Variants in TMEM232 observed in about 807,000 individuals in gnomAD.
The protein encoded by TMEM232 is transmembrane protein 232.
TMEM232 carries 80 observed loss-of-function variants against 78.8 expected under a neutral mutation model. The observed-to-expected ratio is 1.01, with a 90% CI of 0.85 to 1.22. The LOEUF is 1.22. Ranked by LOEUF, TMEM232 falls within the 50% of genes most tolerant of loss-of-function variation. The pLI is 0.00. For missense variants in TMEM232, 881 were observed against 742.2 expected (o/e 1.19, Z -2.17); for synonymous variants, 297 against 254.3 (o/e 1.17, Z -1.60).
intron 1 of TMEM232, among the ~76,000 whole-genome samples, chr5:110,709,795 A>G (rs1464942980): frequency 1.3e-5 from 2 of 152,096 alleles, no homozygotes; most frequent in African/African-American, 4.8e-5. Flanking sequence ...AAACACTTCA[A>G]ATAAGTAACC....
At chr5:110,423,899 G>A (rs1425154376) in intron 13 of TMEM232, among the ~76,000 whole-genome samples, 1 of 151,804 alleles carries the variant, frequency 6.6e-6, no homozygotes, top group Non-Finnish European at 1.5e-5. Context: ...GGAAAATATA[G>A]ATGTTGAAAT....
chr5:110,446,183 A>G (rs1328607813), intron 12 of TMEM232, among the ~76,000 whole-genome samples: 1 of 152,076 alleles, frequency 6.6e-6, no homozygotes, highest in Non-Finnish European at 1.5e-5. Context: ...CTGGCCTCTG[A>G]CCTTTAAGGA....
intron 12 of TMEM232, among the ~76,000 whole-genome samples, chr5:110,515,521 C>T (rs1768483539): frequency 6.6e-6 from 1 of 152,312 alleles, no homozygotes; most frequent in South Asian, 2.1e-4. Context: ...GGTAGAGTAG[C>T]AGTCAGGCAC....
intron 2 of TMEM232, among the ~76,000 whole-genome samples, chr5:110,405,741 A>G (rs1257749478): frequency 6.6e-6 from 1 of 151,234 alleles, no homozygotes; most frequent in African/African-American, 2.4e-5. Context: ...TAAAAAAAAA[A>G]AAAAGGAAAA....
intron 2 of TMEM232, among the ~76,000 whole-genome samples, chr5:110,400,659 G>T (rs1755558545): frequency 6.6e-6 from 1 of 151,884 alleles, no homozygotes; most frequent in South Asian, 2.1e-4. Context: ...CAGATATGTA[G>T]AATACCTGGG....
intron 2 of TMEM232, among the ~76,000 whole-genome samples, chr5:110,404,971 C>G (rs535762099): frequency 1.3e-5 from 2 of 151,982 alleles, no homozygotes; most frequent in Non-Finnish European, 2.9e-5. Context: ...AATTTTTCAG[C>G]CAATAAGTTT....
At chr5:110,665,463 A>T (rs146926296) in intron 2 of TMEM232, among the ~76,000 whole-genome samples, 1,781 of 152,162 alleles carry the variant, frequency 0.012, 45 homozygotes, top group African/African-American at 0.04. Context: ...TGGGGAGGCC[A>T]CAGGAAATTT....
intron 10 of TMEM232, among the ~76,000 whole-genome samples, chr5:110,601,273 T>C (rs1367196738): frequency 6.6e-6 from 1 of 152,132 alleles, no homozygotes; most frequent in Non-Finnish European, 1.5e-5. Flanking sequence ...ACCACTCCTA[T>C]TCAACATAGT....
chr5:110,649,312 G>C (rs1392031667), intron 2 of TMEM232, among the ~76,000 whole-genome samples: 2 of 151,760 alleles, frequency 1.3e-5, no homozygotes, highest in African/African-American at 2.4e-5. Flanking sequence ...TATTTAAAAG[G>C]GTTACACAAA....
At chr5:110,713,811 G>A (rs77936514) in intron 1 of TMEM232, among the ~76,000 whole-genome samples, 2,034 of 152,252 alleles carry the variant, frequency 0.013, 43 homozygotes, top group African/African-American at 0.046. Flanking sequence ...AAGCTGGGTG[G>A]CAGAGAGTTA....
In TMEM232 at chr5:110,420,544, G is replaced by A; in HGVS notation, c.*36C>T. 7.6e-7 allele frequency: 1 copy of A among 1,324,058 alleles called. No individual in the cohort carries two copies. Among genetic ancestry groups the A allele is most frequent in the African/African-American group, 1.5e-5 (1 of 64,774 alleles). The allele number at this position is 1,324,058 out of a possible 1,614,324, so 82.0% of individuals were successfully genotyped here. On this transcript the variant is annotated 3_prime_UTR_variant, in exon 14 of 14. Coordinates refer to ENST00000455884, the MANE Select transcript of TMEM232 (RefSeq NM_001039763.4). ...TCATCCTATGTATTTCTGCCATGTA[G>A]TCCTCAATTTTGGGAGGTGACATTT...
chr5:110,435,621 A>G (rs1179608415), intron 12 of TMEM232, among the ~76,000 whole-genome samples: 1 of 151,436 alleles, frequency 6.6e-6, no homozygotes, highest in Non-Finnish European at 1.5e-5. Flanking sequence ...ACCCTTCACT[A>G]CCTCTGGTAA....
At chr5:110,592,516 A>G (rs1481519533) in intron 10 of TMEM232, among the ~76,000 whole-genome samples, 1 of 152,184 alleles carries the variant, frequency 6.6e-6, no homozygotes, top group Non-Finnish European at 1.5e-5. Flanking sequence ...TCTTTAATGC[A>G]GATCAAACCT....
At chr5:110,415,037 G>A (rs1756139178), downstream of TMEM232, among the ~76,000 whole-genome samples, 1 of 152,074 alleles carries the variant, frequency 6.6e-6, no homozygotes, top group African/African-American at 2.4e-5. Context: ...ATCCCTCCTA[G>A]TGACTTAACA....
intron 12 of TMEM232, among the ~76,000 whole-genome samples, chr5:110,438,545 T>G (rs1758684621): frequency 6.6e-6 from 1 of 152,012 alleles, no homozygotes; most frequent in African/African-American, 2.4e-5. Flanking sequence ...TTCTTTTATT[T>G]TCTATATTAT....
chr5:110,712,006 G>A (rs1197499765), intron 1 of TMEM232, among the ~76,000 whole-genome samples: 2 of 151,426 alleles, frequency 1.3e-5, no homozygotes, highest in African/African-American at 4.9e-5. Context: ...GGAGGCTGAG[G>A]GAGGAGAATG....
intron 8 of TMEM232, chr5:110,610,574 A>T (rs779946866): frequency 5.7e-5 from 26 of 456,114 alleles, no homozygotes; most frequent in Admixed American, 7.1e-5. Flanking sequence ...TCTCTAGGTA[A>T]AGCACAGGAT....
chr5:110,511,866 T>G (rs770440348), intron 12 of TMEM232, among the ~76,000 whole-genome samples: 1 of 152,082 alleles, frequency 6.6e-6, no homozygotes, highest in Non-Finnish European at 1.5e-5. Flanking sequence ...CCTAGTCACC[T>G]CTCCCTCTGT....
chr5:110,695,868 G>C (rs934046778), intron 1 of TMEM232, among the ~76,000 whole-genome samples: 3 of 152,118 alleles, frequency 2.0e-5, no homozygotes, highest in African/African-American at 4.8e-5. Context: ...AATTCTACCA[G>C]AGGTACAAGG....
Sources: gnomAD v4.1 joint callset for allele counts (sites outside exome capture counted in the v4.1 genomes callset) on GRCh38, gnomAD v4.1.1 for gene constraint, MANE v1.5 for transcripts, NCBI Gene and HGNC (gene_info 2026-07-23, HGNC 2026-07-21) for gene names.